The following XRN1 variants were observed in gnomAD, a reference collection of about 807,000 sequenced individuals.
XRN1 encodes the protein strand-exchange protein 1 homolog.
Under a neutral mutation model 222.3 loss-of-function variants are expected in XRN1, and 67 were observed. The observed-to-expected ratio is 0.30, with a 90% CI of 0.25 to 0.37. The LOEUF (loss-of-function observed/expected upper bound fraction) is 0.37. Ranked by LOEUF, XRN1 falls within the 10% of genes least tolerant of loss-of-function variation. The pLI, the probability that XRN1 is intolerant of heterozygous loss-of-function variation, is 1.00. For synonymous variants in XRN1, 643 were observed against 652.4 expected (o/e 0.99, Z 0.22); for missense variants, 1,707 against 2,000.2 (o/e 0.85, Z 2.80).
intron 29 of XRN1, among the ~76,000 whole-genome samples, chr3:142,363,275 ACACC>A (rs1195284976): frequency 6.6e-6 from 1 of 151,910 alleles, no homozygotes; most frequent in Non-Finnish European, 1.5e-5. Context: ...AATTGTTCCA[ACACC>A]ATTTTTTTTC....
rs187778009 is a variant in XRN1, at chr3:142,377,298, G to C, written c.2716-704C>G. On this transcript the variant is annotated intron_variant, in intron 23 of 40. Coordinates refer to ENST00000392981, the MANE Select transcript of XRN1 (RefSeq NM_001282857.2). ...GATTCATGAATCCAATACTAACTAG[G>C]ATAAACTACCATATACTCTTAACAT... Among the ~76,000 whole-genome samples, 224 of 148,808 alleles carry C rather than the reference G, an allele frequency of 1.5e-3. 2 individuals are homozygous for C. Among genetic ancestry groups the C allele is most frequent in the African/African-American group, 5.3e-3 (217 of 40,566 alleles).
At position 142,447,734 on chromosome 3, in the gene XRN1, G is replaced by T; in HGVS notation, c.75+136C>A. The stretch of plus-strand genomic sequence containing the variant: ...TCATCCGGGCGTCCTCAAACCTTCC[G>T]TCCCCCTCCCTAATGCCACTAATCG... On this transcript the variant is annotated intron_variant, in intron 1 of 40. Transcript: ENST00000392981. The surrounding 1 kb of genome is among the most constrained non-coding windows in gnomAD (Gnocchi z 4.2). 2 of 1,054,214 alleles carry T rather than the reference G, an allele frequency of 1.9e-6. No individual in the cohort carries two copies. The highest frequency in any genetic ancestry group is 2.5e-5 in the East Asian group (1 of 40,390). 65.3% of individuals were successfully genotyped at this position (1,054,214 alleles called of 1,614,324 possible).
At chr3:142,326,101 G>A (rs760138780) in intron 37 of XRN1, among the ~76,000 whole-genome samples, 1 of 150,992 alleles carries the variant, frequency 6.6e-6, no homozygotes, top group Non-Finnish European at 1.5e-5. Flanking sequence ...TGTTCACTTT[G>A]CTCTGGATTG....
At position 142,400,550 on chromosome 3, in the gene XRN1, T is replaced by TA; in HGVS notation, c.2104-4dup. 1 of 1,605,660 alleles carries TA rather than the reference T, an allele frequency of 6.2e-7. No homozygotes were observed. The highest frequency in any genetic ancestry group is 8.5e-7 in the Non-Finnish European group (1 of 1,176,168). On this transcript the variant is annotated splice_polypyrimidine_tract_variant and splice_region_variant and intron_variant, in intron 18 of 40. Transcript: ENST00000392981. Reference sequence around the variant, plus strand: ...GATGAAGCTACATTTTCTACGGTCTTAAAGTAAAAGCAAAAAAGTTCATTC... The same window carrying TA: ...GATGAAGCTACATTTTCTACGGTCTTAAAAGTAAAAGCAAAAAAGTTCATTC...
At chr3:142,322,276 G>A (rs528352195) in intron 37 of XRN1, among the ~76,000 whole-genome samples, 1 of 152,254 alleles carries the variant, frequency 6.6e-6, no homozygotes, top group South Asian at 2.1e-4. Context: ...GAGTACAGTG[G>A]TGTGATCAAG....
intron 22 of XRN1, 128 bp from the exon 23 acceptor site, chr3:142,380,308 A>C: frequency 1.4e-6 from 1 of 734,642 alleles, no homozygotes; most frequent in Non-Finnish European, 2.2e-6. Context: ...GAAATTTGTT[A>C]AGTGGGTATG....
chr3:142,399,952 T>TA (rs989770401), intron 19 of XRN1, among the ~76,000 whole-genome samples: 2 of 151,662 alleles, frequency 1.3e-5, no homozygotes, highest in African/African-American at 2.4e-5. Context: ...TATGAAATAA[T>TA]AAAAAAACGA....
intron 27 of XRN1, among the ~76,000 whole-genome samples, chr3:142,366,735 A>G (rs1044708010): frequency 1.4e-4 from 22 of 152,188 alleles, no homozygotes; most frequent in Admixed American, 1.4e-3. Context: ...CAGCAAAAGG[A>G]AAGACTATGA....
At chr3:142,423,032 G>C (rs1420248916) in intron 6 of XRN1, 110 bp from the exon 7 acceptor site, 2 of 813,754 alleles carry the variant, frequency 2.5e-6, no homozygotes, top group East Asian at 5.0e-5. Flanking sequence ...GTAAGGTCTT[G>C]TAATTAAGGC....
Position 142,361,963 on chromosome 3 carries a change from C to CTTTT in XRN1, c.3395-2036_3395-2033dup, listed in dbSNP as rs71153961. Among the ~76,000 whole-genome samples the CTTTT allele has an allele frequency of 7.7e-3, 397 of 51,656 alleles. 1 individual carries two copies. Among genetic ancestry groups the CTTTT allele is most frequent in the Non-Finnish European group, 8.5e-3 (255 of 30,172 alleles). The allele number at this position is 51,656 out of a possible 152,430, so 33.9% of individuals were successfully genotyped here. On this transcript the variant is annotated intron_variant, in intron 29 of 40. Coordinates refer to ENST00000392981, the MANE Select transcript of XRN1 (RefSeq NM_001282857.2). ...CTCTTTGTTTCTTTTCTTTTTCTCTCTTTTTTTTTTTTTTTTTTTTTTTGA... is the reference window on the plus strand; with the variant it reads ...CTCTTTGTTTCTTTTCTTTTTCTCTCTTTTTTTTTTTTTTTTTTTTTTTTTTTGA...
intron 2 of XRN1, among the ~76,000 whole-genome samples, chr3:142,430,489 T>C (rs2069476443): frequency 6.6e-6 from 1 of 152,220 alleles, no homozygotes; most frequent in South Asian, 2.1e-4. Flanking sequence ...TTGGGTGGTA[T>C]TTGAGAATTT....
Position 142,314,904 on chromosome 3 carries a change from C to CAAAA in XRN1, c.4622-2150_4622-2147dup, listed in dbSNP as rs776430519. Among the ~76,000 whole-genome samples the CAAAA allele has an allele frequency of 1.3e-3, 30 of 22,296 alleles. 1 individual carries two copies. The highest frequency in any genetic ancestry group is 4.9e-3 in the South Asian group (1 of 206). 14.6% of individuals were successfully genotyped at this position (22,296 alleles called of 152,430 possible). ...TGGGTGACAGAGTGGGACTCTGTCTCAAAAAAAAAAAAAAAAAAAAAAAAA... is the reference window on the plus strand; with the variant it reads ...TGGGTGACAGAGTGGGACTCTGTCTCAAAAAAAAAAAAAAAAAAAAAAAAAAAAA... On this transcript the variant is annotated intron_variant, in intron 39 of 40. Coordinates refer to ENST00000392981, the MANE Select transcript of XRN1 (RefSeq NM_001282857.2).
intron 2 of XRN1, 28 bp from the exon 3 acceptor site, chr3:142,426,869 T>G: frequency 6.3e-7 from 1 of 1,588,584 alleles, no homozygotes. Context: ...AAAAGTACCT[T>G]AAGTTTTCTG....
intron 1 of XRN1, among the ~76,000 whole-genome samples, chr3:142,440,565 ATTG>A (rs2070157178): frequency 6.6e-6 from 1 of 152,054 alleles, no homozygotes; most frequent in Non-Finnish European, 1.5e-5. Context: ...ACTCCAAAAG[ATTG>A]TTAAGGACCT....
intron 27 of XRN1, among the ~76,000 whole-genome samples, chr3:142,368,532 G>C (rs996489206): frequency 6.6e-6 from 1 of 152,202 alleles, no homozygotes; most frequent in Non-Finnish European, 1.5e-5. Context: ...AAAGTAAAGG[G>C]AAAATGTGTG....
intron 20 of XRN1, 29 bp downstream of exon 20, chr3:142,397,300 T>A: frequency 2.0e-6 from 3 of 1,536,182 alleles, no homozygotes; most frequent in Non-Finnish European, 2.6e-6. Context: ...TTTAGTTCCA[T>A]GATATTAAAT....
chr3:142,359,409 C>T (rs1387955811), intron 30 of XRN1, among the ~76,000 whole-genome samples: 1 of 152,134 alleles, frequency 6.6e-6, no homozygotes, highest in African/African-American at 2.4e-5. Flanking sequence ...TTTCAAAGGA[C>T]ATTTCTATTC....
rs2065010845 is a variant in XRN1 at position 142,308,348 on chromosome 3, G to A, written c.*3163C>T. On this transcript the variant is annotated 3_prime_UTR_variant, in exon 41 of 41. Coordinates refer to ENST00000392981, the MANE Select transcript of XRN1 (RefSeq NM_001282857.2). The stretch of plus-strand genomic sequence containing the variant: ...AATCTAGCTTAGTTTGGAAGTAGCA[G>A]TCTAAAATGAAAGCAGGTACCTGAT... The A allele has an allele frequency of 6.6e-6, 1 of 152,080 alleles. No homozygotes were observed. The highest frequency in any genetic ancestry group is 1.5e-5 in the Non-Finnish European group (1 of 68,020). The allele number at this position is 152,080 out of a possible 1,614,324, so 9.4% of individuals were successfully genotyped here. A position where few individuals can be genotyped will look rare whatever the true frequency, so the allele number is the denominator to read the frequency against.
At chr3:142,320,837 T>C (rs2065333275) in intron 37 of XRN1, among the ~76,000 whole-genome samples, 1 of 152,174 alleles carries the variant, frequency 6.6e-6, no homozygotes, top group Non-Finnish European at 1.5e-5. Flanking sequence ...AAAATTTCCA[T>C]GAAGTACAAT....
Sources: allele counts gnomAD v4.1 joint callset (sites outside exome capture counted in the v4.1 genomes callset), GRCh38; gene constraint gnomAD v4.1.1; non-coding constraint Gnocchi (gnomAD v3.1); transcripts MANE v1.5; gene names NCBI Gene and HGNC (gene_info 2026-07-23, HGNC 2026-07-21).